The following ITGA3 variants were observed in gnomAD, a reference collection of about 807,000 sequenced individuals.
The protein encoded by ITGA3 is integrin subunit alpha 3, also known as integrin alpha-3.
ITGA3 carries 70 observed loss-of-function variants against 131.1 expected under a neutral mutation model. The observed-to-expected ratio is 0.53, with a 90% confidence interval of 0.44 to 0.65. The LOEUF (loss-of-function observed/expected upper bound fraction) is 0.65. ITGA3 is among the 30% of genes least tolerant of loss of function. The pLI, the probability that ITGA3 is intolerant of heterozygous loss-of-function variation, is 0.00. For missense variants in ITGA3, 1,098 were observed against 1,388.6 expected (o/e 0.79, Z 3.33); for synonymous variants, 537 against 571.6 (o/e 0.94, Z 0.86).
intron 16 of ITGA3, 120 bp from the exon 17 acceptor site, chr17:50,077,926 T>G: frequency 1.3e-6 from 1 of 759,462 alleles, no homozygotes; most frequent in Non-Finnish European, 2.2e-6. Context: ...TCACCCAGAA[T>G]AGGAGGAGGA....
Position 50,056,450 on chromosome 17 carries a change from G to T in ITGA3, c.11G>T (p.Gly4Val). ...CTTCCGCTGGCAGCCATGGGCCCCG[G>T]CCCCAGCCGCGCGCCCCGCGCCCCA... Reference protein sequence around the residue: MGPGPSRAPRAPRL... With the variant: MGPVPSRAPRAPRL... Residue 4 changes from glycine (G) to valine (V), a missense_variant, in exon 1 of 26, where the codon GGC becomes GTC. Gly to Val is a moderately radical substitution (Grantham distance 109). This residue lies in a region of ITGA3 where 43 missense variants were observed against 30.3 expected (regional missense o/e 1.42). Transcript: ENST00000320031. The surrounding 1 kb of genome is among the most constrained non-coding windows in gnomAD (Gnocchi z 5.6). 1 of 1,532,604 alleles carries T rather than the reference G, an allele frequency of 6.5e-7. No individual in the cohort carries two copies. 94.9% of individuals were successfully genotyped at this position (1,532,604 alleles called of 1,614,324 possible).
rs1405242271 is a variant in ITGA3 at position 50,064,459 on chromosome 17, C to A, written c.335-69C>A. 3.4e-6 allele frequency: 5 copies of A among 1,473,364 alleles called. No homozygotes were observed. In the African/African-American group the frequency reaches 6.9e-5, roughly 20 times the overall value. The allele number at this position is 1,473,364 out of a possible 1,614,324, so 91.3% of individuals were successfully genotyped here. The stretch of plus-strand genomic sequence containing the variant: ...GGGCCCAAGCGGGACCCACTCCTGC[C>A]CTCTGGAGACTTTGGGCACTGAAGT... On this transcript the variant is annotated intron_variant, in intron 2 of 25. Transcript: ENST00000320031. This position sits in a 1 kb window ranked among gnomAD's most constrained non-coding sequence, Gnocchi z 4.4.
At chr17:50,071,214 A>G (rs1222038227) in intron 5 of ITGA3, 97 bp from the exon 6 acceptor site, 3 of 1,113,024 alleles carry the variant, frequency 2.7e-6, no homozygotes, top group African/African-American at 1.5e-5. Context: ...ATAGAACATC[A>G]TGGTGGGGGG....
chr17:50,078,939 C>T lies in ITGA3; in HGVS notation c.2400+13C>T, dbSNP rs371212336. ...GTATGAATTCCAGGTAAGGGGCTCGCCAGAGTCCTGGGCTGGGGACTTCTA... is the reference window on the plus strand; with the variant it reads ...GTATGAATTCCAGGTAAGGGGCTCGTCAGAGTCCTGGGCTGGGGACTTCTA... On this transcript the variant is annotated intron_variant, in intron 19 of 25. Coordinates refer to ENST00000320031, the MANE Select transcript of ITGA3 (RefSeq NM_002204.4). 6.4e-6 allele frequency: 10 copies of T among 1,566,660 alleles called. No homozygotes were observed. The highest frequency in any genetic ancestry group is 1.4e-5 in the African/African-American group (1 of 73,974).
chr17:50,086,605 C>T (rs1909446103), intron 23 of ITGA3: 1 of 143,370 alleles, frequency 7.0e-6, no homozygotes, highest in African/African-American at 2.6e-5. Flanking sequence ...AGGAGAATTG[C>T]TTGAACCTGG....
In ITGA3 at chr17:50,056,688, G is replaced by GC; in HGVS notation, c.206+44dup. On this transcript the variant is annotated intron_variant, in intron 1 of 25. Transcript: ENST00000320031. The surrounding 1 kb of genome is among the most constrained non-coding windows in gnomAD (Gnocchi z 5.6). The stretch of plus-strand genomic sequence containing the variant: ...GTGTGGGGTGGGAGCGAGAGAGTGT[G>GC]CGAGCGCGGGATGCGGGTCCGGAGC... 1 of 1,551,442 alleles carries GC rather than the reference G, an allele frequency of 6.4e-7. No individual in the cohort carries two copies. The highest frequency in any genetic ancestry group is 1.2e-5 in the South Asian group (1 of 84,052).
At position 50,076,512 on chromosome 17, in the gene ITGA3, G is replaced by T. The variant is rs112857195; in HGVS notation, c.1824+37G>T. On this transcript the variant is annotated intron_variant, in intron 13 of 25. Transcript: ENST00000320031. ...TGGCGCCTGGACTGGAAGACCAGGG[G>T]CCAGAAGGGCGGTGGGGCGAGAGGG... is the stretch of plus-strand genomic sequence containing the variant. 7.6e-3 allele frequency: 12,210 copies of T among 1,601,412 alleles called. 59 individuals are homozygous for T. The highest frequency in any genetic ancestry group is 8.8e-3 in the Non-Finnish European group (10,303 of 1,174,088).
chr17:50,067,259 C>T (rs1908387272), intron 3 of ITGA3, among the ~76,000 whole-genome samples: 1 of 152,206 alleles, frequency 6.6e-6, no homozygotes. Flanking sequence ...GAACCAGGGC[C>T]TACTTCTGGA....
intron 7 of ITGA3, among the ~76,000 whole-genome samples, chr17:50,073,544 CTG>C (rs1484647679): frequency 6.6e-6 from 1 of 151,834 alleles, no homozygotes; most frequent in Non-Finnish European, 1.5e-5. Flanking sequence ...TGAGCTATGA[CTG>C]TGCCACTGCA....
intron 23 of ITGA3, among the ~76,000 whole-genome samples, chr17:50,082,337 C>A (rs890558713): frequency 6.6e-6 from 1 of 152,158 alleles, no homozygotes; most frequent in Non-Finnish European, 1.5e-5. Context: ...CACCACCACG[C>A]CCGGCTAATT....
At chr17:50,063,141 A>G (rs937320190) in intron 1 of ITGA3, among the ~76,000 whole-genome samples, 13 of 148,392 alleles carry the variant, frequency 8.8e-5, no homozygotes, top group African/African-American at 3.4e-4. Flanking sequence ...CTGGTATGGG[A>G]CGGGTTGCCA....
At chr17:50,058,403 G>T (rs949121976) in intron 1 of ITGA3, among the ~76,000 whole-genome samples, 1 of 152,208 alleles carries the variant, frequency 6.6e-6, no homozygotes, top group Non-Finnish European at 1.5e-5. Context: ...TAGTGGGGCT[G>T]TAACGAGATA....
At chr17:50,081,869 G>A (rs1183089524) in intron 23 of ITGA3, among the ~76,000 whole-genome samples, 1 of 152,148 alleles carries the variant, frequency 6.6e-6, no homozygotes, top group Non-Finnish European at 1.5e-5. Flanking sequence ...TCCCGCCACG[G>A]GCAATATGTA....
chr17:50,062,999 C>A (rs1908163914), intron 1 of ITGA3, among the ~76,000 whole-genome samples: 1 of 149,552 alleles, frequency 6.7e-6, no homozygotes, highest in Admixed American at 6.6e-5. Context: ...CAGATTCCAC[C>A]AGATGGTGTG....
chr17:50,076,038 AGTC>A (rs1186788014), intron 12 of ITGA3, among the ~76,000 whole-genome samples: 1 of 152,126 alleles, frequency 6.6e-6, no homozygotes, highest in Non-Finnish European at 1.5e-5. Flanking sequence ...GAGCAAGGTC[AGTC>A]CCTCTCTGGG....
chr17:50,071,577 C>A, intron 6 of ITGA3, 59 bp downstream of exon 6: 1 of 1,462,088 alleles, frequency 6.8e-7, no homozygotes, highest in Non-Finnish European at 9.3e-7. Flanking sequence ...GGAAGGCTTA[C>A]CTAAGCCAGG....
At position 50,059,574 on chromosome 17, in the gene ITGA3, C is replaced by T. The variant is rs140150436; in HGVS notation, c.206+2929C>T. Among the ~76,000 whole-genome samples, 105 of 152,330 alleles carry T rather than the reference C, an allele frequency of 6.9e-4. 1 individual carries two copies. The highest frequency in any genetic ancestry group is 3.4e-3 in the Middle Eastern group (1 of 294). The stretch of plus-strand genomic sequence containing the variant: ...GCAGAAATGGGCACAGCAGCTGTGG[C>T]TGGAGGCAGAAGGCCTGCTCGTGTA... On this transcript the variant is annotated intron_variant, in intron 1 of 25. Transcript: ENST00000320031.
chr17:50,057,245 C>T (rs1907872330), intron 1 of ITGA3, among the ~76,000 whole-genome samples: 1 of 152,216 alleles, frequency 6.6e-6, no homozygotes, highest in East Asian at 1.9e-4. Context: ...GAGAGGAGGA[C>T]TTGTCCCAAC....
chr17:50,073,604 A>G (rs113569438), intron 7 of ITGA3, among the ~76,000 whole-genome samples: 1 of 135,778 alleles, frequency 7.4e-6, no homozygotes, highest in African/African-American at 2.9e-5. Flanking sequence ...ACACACACAC[A>G]CACACACACA....
Sources: gnomAD v4.1 joint callset for allele counts (sites outside exome capture counted in the v4.1 genomes callset) on GRCh38, gnomAD v4.1.1 for gene constraint, gnomAD v4.1.1 regional missense constraint, Gnocchi (gnomAD v3.1) non-coding constraint, MANE v1.5 for transcripts, NCBI Gene and HGNC (gene_info 2026-07-23, HGNC 2026-07-21) for gene names.